Variants in RAC1 observed in about 807,000 individuals in gnomAD.
The protein encoded by RAC1 is ras-related C3 botulinum toxin substrate 1.
A neutral mutation model predicts 25.2 loss-of-function variants in RAC1; 2 were observed. The ratio of observed to expected loss-of-function variants is 0.08; its 90% CI spans 0.03 to 0.25. RAC1 has a LOEUF of 0.25. RAC1 is among the 10% of genes least tolerant of loss of function. The pLI is 1.00. For missense variants in RAC1, 50 were observed against 235.7 expected (o/e 0.21, Z 5.16); for synonymous variants, 88 against 94.0 (o/e 0.94, Z 0.37).
At chr7:6,402,276 G>A (rs776411845) in intron 5 of RAC1, 40 bp from the exon 6 acceptor site, 1 of 1,566,874 alleles carries the variant, frequency 6.4e-7, no homozygotes, top group East Asian at 2.3e-5. Context: ...GAAGAGAGTG[G>A]GGTCGAGTGT....
intron 2 of RAC1, among the ~76,000 whole-genome samples, chr7:6,388,620 A>C (rs1490257015): frequency 6.6e-6 from 1 of 151,974 alleles, no homozygotes; most frequent in African/African-American, 2.4e-5. Context: ...CTGGGATTAC[A>C]GGCGTGAGCC....
chr7:6,379,775 G>T (rs1782713686), intron 1 of RAC1, among the ~76,000 whole-genome samples: 2 of 152,004 alleles, frequency 1.3e-5, no homozygotes, highest in Non-Finnish European at 2.9e-5. Context: ...TTGAGATGGA[G>T]TCTCGCTCTG....
chr7:6,398,482 G>C (rs1313993618), intron 3 of RAC1, among the ~76,000 whole-genome samples: 2 of 152,226 alleles, frequency 1.3e-5, no homozygotes, highest in East Asian at 1.9e-4. Context: ...CTTTTGACCA[G>C]GTAGCGTGGA....
intron 1 of RAC1, 22 bp from the exon 2 acceptor site, chr7:6,387,190 C>G (rs758739657): frequency 5.3e-6 from 8 of 1,498,558 alleles, no homozygotes; most frequent in Non-Finnish European, 7.3e-6. Flanking sequence ...GACTAAGCAA[C>G]CTTTTTTCTC....
chr7:6,394,384 A>G (rs976668189), intron 3 of RAC1, among the ~76,000 whole-genome samples: 1 of 152,140 alleles, frequency 6.6e-6, no homozygotes, highest in South Asian at 2.1e-4. Context: ...AGTTCTGCAT[A>G]CTCATCTTCA....
At chr7:6,400,007 C>A in intron 3 of RAC1, 119 bp from the exon 4 acceptor site, 1 of 916,562 alleles carries the variant, frequency 1.1e-6, no homozygotes, top group Non-Finnish European at 1.8e-6. Context: ...CGTCTGACCA[C>A]ACCACTGGTA....
At chr7:6,398,843 G>C in intron 3 of RAC1, 1 of 917,908 alleles carries the variant, frequency 1.1e-6, no homozygotes, top group Non-Finnish European at 1.7e-6. Context: ...TTCACTCAAG[G>C]TTGGGGTTTT....
In RAC1 at chr7:6,402,718, C is replaced by A; in HGVS notation, c.*272C>A. ...CAAGCCTTCTTAAAGCCTTATTTTT[C>A]AAAAGCGCCCCCCCCATTCTTGTTC... On this transcript the variant is annotated 3_prime_UTR_variant, in exon 6 of 6. Transcript: ENST00000348035. 6.8e-6 allele frequency: 2 copies of A among 295,568 alleles called. No homozygotes were observed. Among genetic ancestry groups the A allele is most frequent in the Non-Finnish European group, 1.3e-5 (2 of 159,950 alleles). 18.3% of individuals were successfully genotyped at this position (295,568 alleles called of 1,614,324 possible). A position where few individuals can be genotyped will look rare whatever the true frequency, so the allele number is the denominator to read the frequency against.
chr7:6,398,670 A>T lies in RAC1; in HGVS notation c.226-1456A>T, dbSNP rs543710829. The T allele has an allele frequency of 6.8e-6, 11 of 1,613,934 alleles. No individual in the cohort carries two copies. In the South Asian group the frequency reaches 9.9e-5, roughly 15 times the overall value. On this transcript the variant is annotated intron_variant, in intron 3 of 5. Coordinates refer to ENST00000348035, the MANE Select transcript of RAC1 (RefSeq NM_006908.5). ...TTCTCATGCATTACTAGGTTGGAGA[A>T]ACGTACGGTAAGGATATAACCTCCC...
intron 1 of RAC1, among the ~76,000 whole-genome samples, chr7:6,379,337 C>T (rs1238001309): frequency 2.9e-5 from 4 of 135,950 alleles, no homozygotes; most frequent in South Asian, 4.9e-4. Flanking sequence ...TGCAGTGGTG[C>T]GATCTCGGCT....
chr7:6,389,846 A>G (rs554356530), intron 2 of RAC1, among the ~76,000 whole-genome samples: 19 of 152,128 alleles, frequency 1.2e-4, no homozygotes, highest in African/African-American at 4.3e-4. Flanking sequence ...TTTACTGTAC[A>G]TTTTTAGTCT....
chr7:6,397,481 C>T (rs1307796147), intron 3 of RAC1, among the ~76,000 whole-genome samples: 89 of 151,716 alleles, frequency 5.9e-4, no homozygotes, highest in Admixed American at 5.8e-3. Context: ...TTTTAGTAGA[C>T]ACAGGGTTTC....
At chr7:6,377,513 G>T (rs975481462) in intron 1 of RAC1, among the ~76,000 whole-genome samples, 5 of 152,158 alleles carry the variant, frequency 3.3e-5, no homozygotes, top group Admixed American at 6.6e-5. Flanking sequence ...AGGATCGCTT[G>T]AAACCCAGGA....
intron 2 of RAC1, chr7:6,391,602 A>T (rs1402395773): frequency 3.1e-6 from 1 of 318,708 alleles, no homozygotes; most frequent in Non-Finnish European, 5.9e-6. Context: ...AAGCGGGGCT[A>T]ATTGTACCCT....
At chr7:6,388,094 G>A (rs1364554040) in intron 2 of RAC1, among the ~76,000 whole-genome samples, 1 of 152,128 alleles carries the variant, frequency 6.6e-6, no homozygotes, top group Non-Finnish European at 1.5e-5. Context: ...ATTGGCTATT[G>A]AATTGCTTAC....
rs34806168 is a variant in RAC1 at position 6,399,727 on chromosome 7, A to C, written c.226-399A>C. 9.6e-3 allele frequency: 1,579 copies of C among 164,348 alleles called. 21 individuals are homozygous for C. Among genetic ancestry groups the C allele is most frequent in the African/African-American group, 0.036 (1,509 of 41,894 alleles). 10.2% of individuals were successfully genotyped at this position (164,348 alleles called of 1,614,324 possible). ...CAGGCAGCTCCTGAAGAAGCAGTTT[A>C]ATTGGAACCAGTGACCATCTAAAAC... On this transcript the variant is annotated intron_variant, in intron 3 of 5. Coordinates refer to ENST00000348035, the MANE Select transcript of RAC1 (RefSeq NM_006908.5).
At chr7:6,390,633 T>G (rs865983772) in intron 2 of RAC1, among the ~76,000 whole-genome samples, 3 of 151,114 alleles carry the variant, frequency 2.0e-5, no homozygotes, top group Middle Eastern at 3.2e-3. Flanking sequence ...TAATACCACC[T>G]CTCCCTCAGA....
intron 1 of RAC1, among the ~76,000 whole-genome samples, chr7:6,378,638 G>C (rs927358256): frequency 3.3e-5 from 5 of 152,178 alleles, no homozygotes; most frequent in Non-Finnish European, 7.4e-5. Context: ...GATTGGCCAA[G>C]AAATATTACA....
At chr7:6,400,940 G>T (rs1282360183) in intron 4 of RAC1, among the ~76,000 whole-genome samples, 2 of 152,158 alleles carry the variant, frequency 1.3e-5, no homozygotes, top group African/African-American at 2.4e-5. Context: ...CTCCCAAAGT[G>T]CTGGGATTAC....
Sources: allele counts gnomAD v4.1 joint callset (sites outside exome capture counted in the v4.1 genomes callset), GRCh38; gene constraint gnomAD v4.1.1; transcripts MANE v1.5; gene names NCBI Gene and HGNC (gene_info 2026-07-23, HGNC 2026-07-21).